Variants in BAHCC1 observed in about 807,000 individuals in gnomAD.
BAHCC1 encodes BAH and coiled-coil domain-containing protein 1.
In BAHCC1, 43 loss-of-function variants were observed where a neutral mutation model predicts 88.2. That is an observed-to-expected ratio of 0.49 (90% CI 0.38 to 0.63). The LOEUF is 0.63. Ranked by LOEUF, BAHCC1 falls within the 20% of genes least tolerant of loss-of-function variation. The pLI, the probability that BAHCC1 is intolerant of heterozygous loss-of-function variation, is 0.00. For missense variants in BAHCC1, 3,023 were observed against 1,654.8 expected (o/e 1.83, Z -14.34); for synonymous variants, 1,510 against 745.5 (o/e 2.03, Z -16.71).
chr17:81,444,918 C>A, intron 8 of BAHCC1, 92 bp downstream of exon 8: 2 of 690,280 alleles, frequency 2.9e-6, no homozygotes, highest in Non-Finnish European at 2.6e-6. Context: ...CAGGAGGGAG[C>A]GGTGGGCTTG....
rs782817245 is a variant in BAHCC1 at position 81,458,911 on chromosome 17, CGAGGAGGAA to C, written c.5556_5564del (p.Glu1853_Glu1855del). Reference sequence around the variant, plus strand: ...GCAGCTTCTCGGAAGAGGAGGAGGACGAGGAGGAAGAGGAGGAGGACAGCGGCCCTCTGA... The same window carrying C: ...GCAGCTTCTCGGAAGAGGAGGAGGACGAGGAGGAGGACAGCGGCCCTCTGA... On this transcript the variant is annotated inframe_deletion, in exon 20 of 28. Coordinates refer to ENST00000675386, the MANE Select transcript of BAHCC1 (RefSeq NM_001377448.1). The C allele has an allele frequency of 2.6e-6, 2 of 771,102 alleles. No individual in the cohort carries two copies. Among genetic ancestry groups the C allele is most frequent in the South Asian group, 1.4e-5 (1 of 73,570 alleles). The allele number at this position is 771,102 out of a possible 1,614,324, so 47.8% of individuals were successfully genotyped here. A position where few individuals can be genotyped will look rare whatever the true frequency, so the allele number is the denominator to read the frequency against.
intron 2 of BAHCC1, chr17:81,421,840 G>A (rs1406372134): frequency 3.5e-5 from 8 of 225,384 alleles, no homozygotes; most frequent in Middle Eastern, 4.7e-4. Flanking sequence ...GGGATGGTAG[G>A]GTCTCTCATG....
chr17:81,462,639 C>T, intron 26 of BAHCC1, 101 bp from the exon 27 acceptor site: 1 of 655,130 alleles, frequency 1.5e-6, no homozygotes, highest in East Asian at 2.5e-5. Context: ...CACACTCAGA[C>T]TCACACTCAC....
chr17:81,462,000 T>G lies in BAHCC1; in HGVS notation c.7337T>G (p.Phe2446Cys), dbSNP rs1555659649. 1.3e-6 allele frequency: 1 copy of G among 778,160 alleles called. No homozygotes were observed. Among genetic ancestry groups the G allele is most frequent in the South Asian group, 1.3e-5 (1 of 74,224 alleles). 48.2% of individuals were successfully genotyped at this position (778,160 alleles called of 1,614,324 possible). The change falls in exon 26 of 28, where the codon TTC (phenylalanine) becomes TGC (cysteine). Residue 2446 changes from phenylalanine to cysteine, a missense_variant. Physicochemically the swap from Phe to Cys is radical, Grantham distance 205 (BLOSUM62 -2). Coordinates refer to ENST00000675386, the MANE Select transcript of BAHCC1 (RefSeq NM_001377448.1). Reference protein sequence around the residue: ...SVENRPKISAFLPARQLWKWS... With the variant: ...SVENRPKISACLPARQLWKWS... ...GAAAACCGGCCAAAGATCTCAGCCT[T>G]CCTGCCCGCCCGGCAGCTCTGGAAG...
chr17:81,466,217 G>A lies in BAHCC1; in HGVS notation c.*2400G>A, dbSNP rs553017304. 4.6e-5 allele frequency: 7 copies of A among 152,314 alleles called. No homozygotes were observed. Among genetic ancestry groups the A allele is most frequent in the Non-Finnish European group, 1.0e-4 (7 of 67,994 alleles). 9.4% of individuals were successfully genotyped at this position (152,314 alleles called of 1,614,324 possible). A position where few individuals can be genotyped will look rare whatever the true frequency, so the allele number is the denominator to read the frequency against. On this transcript the variant is annotated 3_prime_UTR_variant, in exon 28 of 28. Transcript: ENST00000675386. Reference sequence around the variant, plus strand: ...CAATGTAAACACTAAAAACAAAATGGACAAAAAAACACACAAAGGTTTTAT... The same window carrying A: ...CAATGTAAACACTAAAAACAAAATGAACAAAAAAACACACAAAGGTTTTAT...
At chr17:81,415,556 A>C (rs1555648509) in intron 2 of BAHCC1, 2 of 516,858 alleles carry the variant, frequency 3.9e-6, no homozygotes, top group Non-Finnish European at 7.7e-6. Context: ...TTCAGCCTGC[A>C]GTGACCTGTG....
intron 15 of BAHCC1, among the ~76,000 whole-genome samples, chr17:81,455,737 G>A (rs1306083881): frequency 5.3e-5 from 8 of 152,128 alleles, no homozygotes; most frequent in South Asian, 4.1e-4. Flanking sequence ...TTGGTGTGGC[G>A]GGGGCTCCTC....
At chr17:81,446,096 G>C (rs117834188) in intron 10 of BAHCC1, among the ~76,000 whole-genome samples, 5,994 of 152,114 alleles carry the variant, frequency 0.039, 154 homozygotes, top group Middle Eastern at 0.085. Context: ...CTGGGTGGGG[G>C]GGTCTCGGGC....
rs938290691 is a variant in BAHCC1, at chr17:81,434,034, G to C, written c.359-4336G>C. Among the ~76,000 whole-genome samples, 3 of 152,202 alleles carry C rather than the reference G, an allele frequency of 2.0e-5. No individual in the cohort carries two copies. The highest frequency in any genetic ancestry group is 4.4e-5 in the Non-Finnish European group (3 of 68,026). ...ACAGGGACGATGTGCAGAACCTCAA[G>C]AGGAGCAGGGACCACTTGCCAGGCC... On this transcript the variant is annotated intron_variant, in intron 3 of 27. Coordinates refer to ENST00000675386, the MANE Select transcript of BAHCC1 (RefSeq NM_001377448.1). This position sits in a 1 kb window ranked among gnomAD's most constrained non-coding sequence, Gnocchi z 4.9.
rs2030694881 is a variant in BAHCC1 at position 81,466,101 on chromosome 17, T to C, written c.*2284T>C. On this transcript the variant is annotated 3_prime_UTR_variant, in exon 28 of 28. Transcript: ENST00000675386. ...CTTTCTTTTTCTGTGTGCGTGCGAA[T>C]GGTGCGGCCCCTCCCCTCTCACCGT... 6.6e-6 allele frequency: 1 copy of C among 152,444 alleles called. No individual in the cohort carries two copies. Among genetic ancestry groups the C allele is most frequent in the Admixed American group, 6.5e-5 (1 of 15,288 alleles). The allele number at this position is 152,444 out of a possible 1,614,324, so 9.4% of individuals were successfully genotyped here.
intron 23 of BAHCC1, 103 bp from the exon 24 acceptor site, chr17:81,460,174 A>T: frequency 1.5e-6 from 1 of 666,864 alleles, no homozygotes; most frequent in Admixed American, 2.2e-5. Context: ...GCAGAACCCC[A>T]GAGCCCTCCC....
In BAHCC1 at chr17:81,455,388, G is replaced by C; in HGVS notation, c.4567G>C (p.Val1523Leu). 1.4e-6 allele frequency: 1 copy of C among 715,842 alleles called. No homozygotes were observed. Among genetic ancestry groups the C allele is most frequent in the Non-Finnish European group, 2.6e-6 (1 of 384,868 alleles). The allele number at this position is 715,842 out of a possible 1,614,324, so 44.3% of individuals were successfully genotyped here. A position where few individuals can be genotyped will look rare whatever the true frequency, so the allele number is the denominator to read the frequency against. The change falls in exon 15 of 28, where the codon GTG (valine) becomes CTG (leucine). Residue 1523 changes from valine (V) to leucine (L), a missense_variant and splice_region_variant. Coordinates refer to ENST00000675386, the MANE Select transcript of BAHCC1 (RefSeq NM_001377448.1). The stretch of plus-strand genomic sequence containing the variant: ...CTATGCGGGCCTGCAGACTGCCTCC[G>C]TGGTGAGTGCCGAGGCGCCCGCCTT... Reference protein sequence around the residue: ...SVYAGLQTASVEKAQCKKSSC... With the variant: ...SVYAGLQTASLEKAQCKKSSC...
Position 81,443,141 on chromosome 17 carries a change from G to A in BAHCC1, c.1792G>A (p.Glu598Lys), listed in dbSNP as rs369734156. The A allele has an allele frequency of 1.8e-5, 14 of 777,706 alleles. No homozygotes were observed. Among genetic ancestry groups the A allele is most frequent in the African/African-American group, 8.5e-5 (5 of 59,128 alleles). The allele number at this position is 777,706 out of a possible 1,614,324, so 48.2% of individuals were successfully genotyped here. The stretch of plus-strand genomic sequence containing the variant: ...CCAGGGCACCGCCATGGCCATCAGC[G>A]AGGAGCGCAAGGCTGGCGCCTACCT... ...AGQGTAMAIS[E>K]ERKAGAYLDP... Residue 598 changes from glutamate to lysine, a missense_variant, in exon 5 of 28, where the codon GAG (glutamate) becomes AAG (lysine). Glu to Lys is a moderately conservative substitution (Grantham distance 56). Coordinates refer to ENST00000675386, the MANE Select transcript of BAHCC1 (RefSeq NM_001377448.1).
At chr17:81,444,620 T>C (rs2064488307) in intron 7 of BAHCC1, 48 bp from the exon 8 acceptor site, 2 of 756,248 alleles carry the variant, frequency 2.6e-6, no homozygotes, top group South Asian at 1.4e-5. Context: ...GGTTCCCTCC[T>C]GGTCCCCGAG....
chr17:81,444,201 C>T, intron 6 of BAHCC1, 180 bp from the exon 7 acceptor site: 1 of 606,928 alleles, frequency 1.6e-6, no homozygotes, highest in South Asian at 2.0e-5. Flanking sequence ...GGGGTTTTCC[C>T]TGAGCCTCCA....
rs1568001608 is a variant in BAHCC1 at position 81,416,541 on chromosome 17, T to TGCG, written c.179-10259_179-10258insGCG. ...TCCATGAGGATGGGTGTGTGCGTGT[T>TGCG]TGTGTGTACATGAGGATGGGTGTAT... On this transcript the variant is annotated intron_variant, in intron 2 of 27. Transcript: ENST00000675386. 6.9e-4 allele frequency among the ~76,000 whole-genome samples: 4 copies of TGCG among 5,762 alleles called. No homozygotes were observed. In the East Asian group the frequency reaches 0.019, roughly 27 times the overall value. The allele number at this position is 5,762 out of a possible 152,430, so 3.8% of individuals were successfully genotyped here. A position where few individuals can be genotyped will look rare whatever the true frequency, so the allele number is the denominator to read the frequency against.
At chr17:81,424,928 G>A (rs1905432615) in intron 2 of BAHCC1, among the ~76,000 whole-genome samples, 1 of 151,010 alleles carries the variant, frequency 6.6e-6, no homozygotes, top group African/African-American at 2.4e-5. Context: ...GTGTGATGTG[G>A]TTGGTGCTGA....
At chr17:81,397,342 C>G (rs2063755977) in intron 1 of BAHCC1, among the ~76,000 whole-genome samples, 3 of 151,066 alleles carry the variant, frequency 2.0e-5, no homozygotes, top group Admixed American at 6.6e-5. Flanking sequence ...GCCCGCGTCC[C>G]GAGAATCGCC....
intron 1 of BAHCC1, chr17:81,396,193 G>C (rs980553696): frequency 6.6e-6 from 1 of 152,322 alleles, no homozygotes; most frequent in African/African-American, 2.4e-5. Context: ...ACCCACGGCC[G>C]CTGCCCTGAG....
Sources: gnomAD v4.1 joint callset for allele counts (sites outside exome capture counted in the v4.1 genomes callset) on GRCh38, gnomAD v4.1.1 for gene constraint, Gnocchi (gnomAD v3.1) non-coding constraint, MANE v1.5 for transcripts, NCBI Gene and HGNC (gene_info 2026-07-23, HGNC 2026-07-21) for gene names.